Variants in CNTN2 observed in about 807,000 individuals in gnomAD.
CNTN2 encodes the protein contactin 2, also known as contactin-2.
A neutral mutation model predicts 117.5 loss-of-function variants in CNTN2; 53 were observed. That is an observed-to-expected ratio of 0.45 (90% CI 0.36 to 0.57). CNTN2 has a LOEUF of 0.57. Ranked by LOEUF, CNTN2 falls within the 20% of genes least tolerant of loss-of-function variation. The pLI, the probability that CNTN2 is intolerant of heterozygous loss-of-function variation, is 0.00. For missense variants in CNTN2, 1,106 were observed against 1,404.3 expected, an observed-to-expected ratio of 0.79 and a Z score of 3.39; for synonymous variants, 530 against 561.7, an observed-to-expected ratio of 0.94 and a Z score of 0.80.
chr1:205,064,485 C>T lies in CNTN2; in HGVS notation c.1391+13C>T, dbSNP rs761450268. 1 of 1,601,538 alleles carries T rather than the reference C, an allele frequency of 6.2e-7. No homozygotes were observed. The highest frequency in any genetic ancestry group is 1.3e-5 in the African/African-American group (1 of 74,732). ...TCAACAGCAGCAGGTACCACCCACA[C>T]CCCACCCTGCACAGTTCCTGCTCCT... On this transcript the variant is annotated intron_variant, in intron 11 of 22. Coordinates refer to ENST00000331830, the MANE Select transcript of CNTN2 (RefSeq NM_005076.5).
At position 205,058,048 on chromosome 1, in the gene CNTN2, C is replaced by A; in HGVS notation, c.198C>A (p.Ser66Arg). The A allele has an allele frequency of 2.5e-6, 4 of 1,613,458 alleles. No homozygotes were observed. Among genetic ancestry groups the A allele is most frequent in the Non-Finnish European group, 3.4e-6 (4 of 1,179,784 alleles). Residue 66 changes from serine to arginine, a missense_variant, in exon 3 of 23, where the codon AGC becomes AGA. Coordinates refer to ENST00000331830, the MANE Select transcript of CNTN2 (RefSeq NM_005076.5). The surrounding 1 kb of genome is among the most constrained non-coding windows in gnomAD (Gnocchi z 4.3). ...QVLLACRARA[S>R]PPATYRWKMN... ...TGCTGGCATGCCGCGCCCGGGCCAG[C>A]CCTCCAGCCACCTATCGGTAAGGCC...
rs745910077 is a variant in CNTN2, at chr1:205,065,838, G to C, written c.1745G>C (p.Gly582Ala). The C allele has an allele frequency of 1.2e-6, 2 of 1,603,536 alleles. No individual in the cohort carries two copies. The highest frequency in any genetic ancestry group is 1.7e-6 in the Non-Finnish European group (2 of 1,172,818). The change falls in exon 14 of 23, where the codon GGG (glycine) becomes GCG (alanine). Residue 582 changes from glycine to alanine, a missense_variant. Physicochemically the swap from Gly to Ala is moderately conservative, Grantham distance 60 (BLOSUM62 0). Coordinates refer to ENST00000331830, the MANE Select transcript of CNTN2 (RefSeq NM_005076.5). The surrounding 1 kb of genome is among the most constrained non-coding windows in gnomAD (Gnocchi z 4.1). ...LTILNAQLRH[G>A]GKYTCMAQTV... Reference sequence around the variant, plus strand: ...ATCCTGAACGCCCAGCTGCGCCATGGGGGGAAGTACACGTGCATGGCCCAG... The same window carrying C: ...ATCCTGAACGCCCAGCTGCGCCATGCGGGGAAGTACACGTGCATGGCCCAG...
At chr1:205,052,783 G>A (rs1177599573) in intron 1 of CNTN2, among the ~76,000 whole-genome samples, 1 of 152,210 alleles carries the variant, frequency 6.6e-6, no homozygotes, top group Non-Finnish European at 1.5e-5. Context: ...GCTGACGGGC[G>A]AGACGGCAGG....
chr1:205,069,984 A>G lies in CNTN2; in HGVS notation c.2354A>G (p.Glu785Gly). 1 of 1,613,662 alleles carries G rather than the reference A, an allele frequency of 6.2e-7. No individual in the cohort carries two copies. The highest frequency in any genetic ancestry group is 2.2e-5 in the East Asian group (1 of 44,868). ...NESVRPYTPF[E>G]VKIRSYNRRG... ...AGCGTCCGGCCCTACACGCCCTTTG[A>G]GGTCAAGATCCGCAGCTACAACCGC... is the stretch of plus-strand genomic sequence containing the variant. Residue 785 changes from glutamate to glycine, a missense_variant, in exon 18 of 23, where the codon GAG becomes GGG. By Grantham distance (98) the Glu-to-Gly change is moderately conservative (BLOSUM62 -2). Coordinates refer to ENST00000331830, the MANE Select transcript of CNTN2 (RefSeq NM_005076.5).
In CNTN2 at chr1:205,058,373, A is replaced by G. The variant is rs754149729; in HGVS notation, c.391+17A>G. ...GCTTCGGCTGTGAGACCCGCGGGGGACCAAGACACTTTGGGGGAGGGGGAG... is the reference window on the plus strand; with the variant it reads ...GCTTCGGCTGTGAGACCCGCGGGGGGCCAAGACACTTTGGGGGAGGGGGAG... On this transcript the variant is annotated intron_variant, in intron 4 of 22. Transcript: ENST00000331830. This position sits in a 1 kb window ranked among gnomAD's most constrained non-coding sequence, Gnocchi z 4.3. 2.0e-6 allele frequency: 3 copies of G among 1,533,408 alleles called. No homozygotes were observed. In the East Asian group the frequency reaches 6.8e-5, roughly 35 times the overall value. The allele number at this position is 1,533,408 out of a possible 1,614,324, so 95.0% of individuals were successfully genotyped here. A position where few individuals can be genotyped will look rare whatever the true frequency, so the allele number is the denominator to read the frequency against.
chr1:205,058,076 T>G lies in CNTN2; in HGVS notation c.215+11T>G, dbSNP rs543861806. ...TCCAGCCACCTATCGGTAAGGCCTCTGCAGTGGGTGCTGGGAGGCCCTGGG... is the reference window on the plus strand; with the variant it reads ...TCCAGCCACCTATCGGTAAGGCCTCGGCAGTGGGTGCTGGGAGGCCCTGGG... On this transcript the variant is annotated intron_variant, in intron 3 of 22. Coordinates refer to ENST00000331830, the MANE Select transcript of CNTN2 (RefSeq NM_005076.5). The surrounding 1 kb of genome is among the most constrained non-coding windows in gnomAD (Gnocchi z 4.3). The G allele has an allele frequency of 9.9e-6, 16 of 1,612,394 alleles. No individual in the cohort carries two copies. In the South Asian group the frequency reaches 1.8e-4, roughly 18 times the overall value.
At position 205,043,283 on chromosome 1, in the gene CNTN2, G is replaced by T. The variant is rs1272636880; in HGVS notation, c.-198G>T. On this transcript the variant is annotated 5_prime_UTR_variant, in exon 1 of 23. Coordinates refer to ENST00000331830, the MANE Select transcript of CNTN2 (RefSeq NM_005076.5). The stretch of plus-strand genomic sequence containing the variant: ...ACCCGGACAGCGAGCGGCTGAGGCC[G>T]CCAGGGCCCAAAGGACAGCGGCCCA... The T allele has an allele frequency of 1.3e-5, 2 of 152,622 alleles. No homozygotes were observed. The highest frequency in any genetic ancestry group is 2.9e-5 in the Non-Finnish European group (2 of 68,190). 9.5% of individuals were successfully genotyped at this position (152,622 alleles called of 1,614,324 possible).
At position 205,057,546 on chromosome 1, in the gene CNTN2, G is replaced by A. The variant is rs202207761; in HGVS notation, c.71-375G>A. The A allele has an allele frequency of 9.8e-5, 16 of 163,418 alleles. 1 individual carries two copies. The East Asian group carries it at 2.8e-3, about 28-fold the overall frequency. 10.1% of individuals were successfully genotyped at this position (163,418 alleles called of 1,614,324 possible). ...CTCCTTGGACCGCAAGCCCCTTGAA[G>A]AAGAGGGACTGTGTCTTAATCATCT... On this transcript the variant is annotated intron_variant, in intron 2 of 22. Transcript: ENST00000331830.
rs140285037 is a variant in CNTN2 at position 205,066,485 on chromosome 1, G to A, written c.1861G>A (p.Asp621Asn). 28 of 1,614,024 alleles carry A rather than the reference G, an allele frequency of 1.7e-5. No individual in the cohort carries two copies. Among genetic ancestry groups the A allele is most frequent in the South Asian group, 5.5e-5 (5 of 91,080 alleles). The change falls in exon 15 of 23, where the codon GAC (aspartate) becomes AAC (asparagine). Residue 621 changes from aspartate (D) to asparagine (N), a missense_variant. By Grantham distance (23) the Asp-to-Asn change is conservative. Coordinates refer to ENST00000331830, the MANE Select transcript of CNTN2 (RefSeq NM_005076.5). Reference sequence around the variant, plus strand: ...AGGTGTGGTGGTGAGGGACATTGGCGACACCACCATCCAGCTCAGCTGGAG... The same window carrying A: ...AGGTGTGGTGGTGAGGGACATTGGCAACACCACCATCCAGCTCAGCTGGAG... The part of the protein sequence containing the change: ...PGGVVVRDIG[D>N]TTIQLSWSRG...
chr1:205,061,624 A>G lies in CNTN2; in HGVS notation c.973+204A>G, dbSNP rs1653988409. On this transcript the variant is annotated intron_variant, in intron 8 of 22. Coordinates refer to ENST00000331830, the MANE Select transcript of CNTN2 (RefSeq NM_005076.5). The surrounding 1 kb of genome is among the most constrained non-coding windows in gnomAD (Gnocchi z 4.8). ...CAGAGCTTCAGTCAGGGGTGCAGAAAGCACACAGGAGGCTCCAGAATGATT... is the reference window on the plus strand; with the variant it reads ...CAGAGCTTCAGTCAGGGGTGCAGAAGGCACACAGGAGGCTCCAGAATGATT... The G allele has an allele frequency of 2.7e-6, 2 of 752,590 alleles. No homozygotes were observed. Among genetic ancestry groups the G allele is most frequent in the East Asian group, 2.9e-5 (1 of 34,852 alleles). 46.6% of individuals were successfully genotyped at this position (752,590 alleles called of 1,614,324 possible).
chr1:205,062,544 C>G lies in CNTN2; in HGVS notation c.1215C>G (p.Tyr405Ter). The change falls in exon 10 of 23, where the codon TAC becomes TAG. Residue 405 changes from tyrosine to a stop codon, truncating the protein, a stop_gained. Coordinates refer to ENST00000331830, the MANE Select transcript of CNTN2 (RefSeq NM_005076.5). LOFTEE classifies it high-confidence loss of function. ...CVAENKHGTI[Y>*]ASAELAVQAL... Reference sequence around the variant, plus strand: ...CAGAGAATAAGCACGGTACCATCTACGCCAGCGCCGAGCTAGCCGTGCAAG... The same window carrying G: ...CAGAGAATAAGCACGGTACCATCTAGGCCAGCGCCGAGCTAGCCGTGCAAG... 2 of 1,613,816 alleles carry G rather than the reference C, an allele frequency of 1.2e-6. No homozygotes were observed. The highest frequency in any genetic ancestry group is 1.7e-6 in the Non-Finnish European group (2 of 1,179,820).
rs1208986804 is a variant in CNTN2, at chr1:205,069,420, C to CACAGG, written c.2126-70_2126-66dup. ...TTCCCATCTTACGGTGCTCTACAGG[C>CACAGG]ACAGGCTCAGGGCTTTCATTTTTTC... On this transcript the variant is annotated intron_variant, in intron 16 of 22. Coordinates refer to ENST00000331830, the MANE Select transcript of CNTN2 (RefSeq NM_005076.5). 9.9e-6 allele frequency: 15 copies of CACAGG among 1,507,844 alleles called. No homozygotes were observed. In the Admixed American group the frequency reaches 2.5e-4, roughly 25 times the overall value. 93.4% of individuals were successfully genotyped at this position (1,507,844 alleles called of 1,614,324 possible). A position where few individuals can be genotyped will look rare whatever the true frequency, so the allele number is the denominator to read the frequency against.
In CNTN2 at chr1:205,076,409, G is replaced by C. The variant is rs1654865221; in HGVS notation, c.*2644G>C. The C allele has an allele frequency of 6.6e-6, 1 of 152,172 alleles. No homozygotes were observed. Among genetic ancestry groups the C allele is most frequent in the South Asian group, 2.1e-4 (1 of 4,830 alleles). The allele number at this position is 152,172 out of a possible 1,614,324, so 9.4% of individuals were successfully genotyped here. On this transcript the variant is annotated 3_prime_UTR_variant, in exon 23 of 23. Coordinates refer to ENST00000331830, the MANE Select transcript of CNTN2 (RefSeq NM_005076.5). ...GAAGACTAGATTAGATGTTTCTCAG[G>C]ATCCCCTCCTGCGCAGGGGTTCTCT...
rs1375494353 is a variant in CNTN2, at chr1:205,053,224, G to A, written c.39G>A (p.Leu13=). The A allele has an allele frequency of 6.2e-7, 1 of 1,612,944 alleles. No homozygotes were observed. The highest frequency in any genetic ancestry group is 8.5e-7 in the Non-Finnish European group (1 of 1,179,464). ...CCAGGAGGAAGCCACACCTGCTGCT[G>A]GTAGCTGCTGTGGCCCTTGTCTCCT... ...TATRRKPHLL[L]VAAVALVSSS... Residue 13 remains leucine, a synonymous_variant, in exon 2 of 23, where the codon CTG becomes CTA. Coordinates refer to ENST00000331830, the MANE Select transcript of CNTN2 (RefSeq NM_005076.5).
At chr1:205,043,125 A>C (rs1173803453), upstream of CNTN2, 4 of 152,394 alleles carry the variant, frequency 2.6e-5, no homozygotes, top group Admixed American at 2.6e-4. Context: ...GCGTTGGCTG[A>C]GGACCAGAGC....
rs753267165 is a variant in CNTN2 at position 205,061,461 on chromosome 1, C to A, written c.973+41C>A. The A allele has an allele frequency of 2.0e-6, 3 of 1,518,198 alleles. No individual in the cohort carries two copies. Among genetic ancestry groups the A allele is most frequent in the South Asian group, 1.3e-5 (1 of 79,900 alleles). 94.0% of individuals were successfully genotyped at this position (1,518,198 alleles called of 1,614,324 possible). The stretch of plus-strand genomic sequence containing the variant: ...CACCTTCTCCGCCCCTCCCGACCCC[C>A]CTTCCCGCCTTCACCCTTGTCCCCA... On this transcript the variant is annotated intron_variant, in intron 8 of 22. Transcript: ENST00000331830. This position sits in a 1 kb window ranked among gnomAD's most constrained non-coding sequence, Gnocchi z 4.8.
chr1:205,062,433 T>A lies in CNTN2; in HGVS notation c.1111-7T>A, dbSNP rs753497215. 1 of 1,610,948 alleles carries A rather than the reference T, an allele frequency of 6.2e-7. No homozygotes were observed. Among genetic ancestry groups the A allele is most frequent in the South Asian group, 1.1e-5 (1 of 90,460 alleles). Reference sequence around the variant, plus strand: ...GATCCCCCTGGGCTCTGGGCTCTTCTGCACAGAACCGGGTGGAGGTGTTGG... The same window carrying A: ...GATCCCCCTGGGCTCTGGGCTCTTCAGCACAGAACCGGGTGGAGGTGTTGG... On this transcript the variant is annotated splice_polypyrimidine_tract_variant and splice_region_variant and intron_variant, in intron 9 of 22. Transcript: ENST00000331830.
intron 1 of CNTN2, among the ~76,000 whole-genome samples, chr1:205,046,537 C>G (rs1336751194): frequency 6.6e-6 from 1 of 152,144 alleles, no homozygotes; most frequent in Admixed American, 6.5e-5. Flanking sequence ...AATCTGGACC[C>G]CAAATCCAAA....
chr1:205,053,754 G>A (rs2096456695), intron 2 of CNTN2, among the ~76,000 whole-genome samples: 1 of 152,236 alleles, frequency 6.6e-6, no homozygotes, highest in Admixed American at 6.5e-5. Context: ...TCCCAGACAG[G>A]GCTCTGTAGT....
Sources: allele counts gnomAD v4.1 joint callset (sites outside exome capture counted in the v4.1 genomes callset), GRCh38; gene constraint gnomAD v4.1.1; non-coding constraint Gnocchi (gnomAD v3.1); transcripts MANE v1.5; gene names NCBI Gene and HGNC (gene_info 2026-07-23, HGNC 2026-07-21).